Variants in MSH4 observed in about 807,000 individuals in gnomAD.
MSH4 encodes mutS protein homolog 4.
MSH4 carries 106 observed loss-of-function variants against 113.7 expected under a neutral mutation model. The observed-to-expected ratio is 0.93, with a 90% CI of 0.80 to 1.10. The LOEUF (loss-of-function observed/expected upper bound fraction) is 1.10, where lower values mean the gene tolerates loss of function less well. Ranked by LOEUF, MSH4 falls within the 50% of genes least tolerant of loss-of-function variation. MSH4 has a pLI of 0.00. For missense variants in MSH4, 1,061 were observed against 1,093.7 expected, an observed-to-expected ratio of 0.97 and a Z score of 0.42; for synonymous variants, 368 against 380.2, an observed-to-expected ratio of 0.97 and a Z score of 0.37.
At chr1:75,883,491 G>T in intron 14 of MSH4, 130 bp from the exon 15 acceptor site, 1 of 694,656 alleles carries the variant, frequency 1.4e-6, no homozygotes, top group Non-Finnish European at 2.3e-6. Context: ...GGATAATATA[G>T]TACCTTAATG....
chr1:75,885,075 A>ATAT (rs1652041140), intron 15 of MSH4, among the ~76,000 whole-genome samples: 1 of 139,914 alleles, frequency 7.1e-6, no homozygotes, highest in Non-Finnish European at 1.5e-5. Context: ...ATATATATAT[A>ATAT]CCAGCCAGGA....
At chr1:75,865,990 G>A (rs907282471) in intron 8 of MSH4, among the ~76,000 whole-genome samples, 7 of 152,030 alleles carry the variant, frequency 4.6e-5, no homozygotes, top group Admixed American at 2.0e-4. Flanking sequence ...GTCATAAATC[G>A]AGTGCCCATA....
At chr1:75,819,649 T>A (rs1570947122) in intron 6 of MSH4, among the ~76,000 whole-genome samples, 1 of 152,292 alleles carries the variant, frequency 6.6e-6, no homozygotes, top group East Asian at 1.9e-4. Flanking sequence ...TGAATCAGAT[T>A]TTTTACATGT....
intron 19 of MSH4, among the ~76,000 whole-genome samples, chr1:75,907,468 A>G (rs1486178253): frequency 1.3e-5 from 2 of 151,534 alleles, no homozygotes; most frequent in South Asian, 2.1e-4. Context: ...TTTGATTATT[A>G]TATCATTTGG....
In MSH4 at chr1:75,879,006, C is replaced by T. The variant is rs1651874537; in HGVS notation, c.1555C>T (p.Leu519Phe). Reference sequence around the variant, plus strand: ...CTGGTCACCAGGAATGATATCACAACTTGGAGAAAAATATAGTCTACCTTT... The same window carrying T: ...CTGGTCACCAGGAATGATATCACAATTTGGAGAAAAATATAGTCTACCTTT... ...VDDIAGMISQ[L>F]GEKYSLPLRT... The change falls in exon 12 of 20, where the codon CTT (leucine) becomes TTT (phenylalanine). Residue 519 changes from leucine to phenylalanine, a missense_variant. Coordinates refer to ENST00000263187, the MANE Select transcript of MSH4 (RefSeq NM_002440.4). 1.9e-6 allele frequency: 3 copies of T among 1,608,236 alleles called. No homozygotes were observed. The highest frequency in any genetic ancestry group is 4.5e-5 in the East Asian group (2 of 44,764).
rs1165898669 is a variant in MSH4, at chr1:75,797,177, C to A, written c.192C>A (p.Ser64Arg). 1.2e-6 allele frequency: 2 copies of A among 1,604,346 alleles called. No individual in the cohort carries two copies. The highest frequency in any genetic ancestry group is 1.7e-6 in the Non-Finnish European group (2 of 1,175,448). The part of the protein sequence containing the change: ...PGTSGAAGDR[S>R]SSSSSLPCPA... ...CGTCAGGAGCTGCGGGCGACCGGAG[C>A]AGCAGCAGCAGCAGCCTTCCCTGCC... is the stretch of plus-strand genomic sequence containing the variant. Residue 64 changes from serine (S) to arginine (R), a missense_variant, in exon 1 of 20, where the codon AGC becomes AGA. Transcript: ENST00000263187.
At chr1:75,885,047 G>GTATATATATATA (rs1223601707) in intron 15 of MSH4, among the ~76,000 whole-genome samples, 5 of 108,952 alleles carry the variant, frequency 4.6e-5, no homozygotes, top group African/African-American at 1.8e-4. Context: ...GTGTGTGTGT[G>GTATATATATATA]TGTGTGTGTG....
intron 8 of MSH4, among the ~76,000 whole-genome samples, chr1:75,850,241 C>T (rs1204856125): frequency 1.3e-5 from 2 of 152,058 alleles, no homozygotes; most frequent in Non-Finnish European, 1.5e-5. Flanking sequence ...AAGGAGGAAG[C>T]TGAGGTCATT....
chr1:75,905,661 T>TC (rs1652609922), intron 19 of MSH4, among the ~76,000 whole-genome samples: 5 of 152,164 alleles, frequency 3.3e-5, no homozygotes, highest in African/African-American at 9.7e-5. Flanking sequence ...AGACCCCTAC[T>TC]AGTATTGTAT....
rs1651042491 is a variant in MSH4 at position 75,844,849 on chromosome 1, A to T, written c.1163-3360A>T. On this transcript the variant is annotated intron_variant, in intron 7 of 19. Transcript: ENST00000263187. ...CCTGAGACTAGGTAATTTATAAAGA[A>T]CAGTGATTTATTTCTTACAGTTCTG... is the stretch of plus-strand genomic sequence containing the variant. Among the ~76,000 whole-genome samples, 2 of 152,226 alleles carry T rather than the reference A, an allele frequency of 1.3e-5. 1 individual carries two copies. The highest frequency in any genetic ancestry group is 4.1e-4 in the South Asian group (2 of 4,834).
intron 19 of MSH4, among the ~76,000 whole-genome samples, chr1:75,908,689 A>G (rs1271484285): frequency 2.0e-5 from 3 of 152,124 alleles, no homozygotes; most frequent in Non-Finnish European, 4.4e-5. Context: ...ATGAAGGATC[A>G]GTTTATCTTC....
chr1:75,878,162 C>A lies in MSH4; in HGVS notation c.1384C>A (p.Leu462Ile). 1 of 1,595,968 alleles carries A rather than the reference C, an allele frequency of 6.3e-7. No homozygotes were observed. Among genetic ancestry groups the A allele is most frequent in the Non-Finnish European group, 8.5e-7 (1 of 1,172,804 alleles). The change falls in exon 11 of 20, where the codon CTT (leucine) becomes ATT (isoleucine). Residue 462 changes from leucine (L) to isoleucine (I), a missense_variant. Leu to Ile is a conservative substitution (Grantham distance 5). Coordinates refer to ENST00000263187, the MANE Select transcript of MSH4 (RefSeq NM_002440.4). ...CCTTAATATTAGGTTTGGAATCATACTTGAAAAGATTAAAACAGTAATTAA... is the reference window on the plus strand; with the variant it reads ...CCTTAATATTAGGTTTGGAATCATAATTGAAAAGATTAAAACAGTAATTAA... Reference protein sequence around the residue: ...SLEDKRFGIILEKIKTVINDD... With the variant: ...SLEDKRFGIIIEKIKTVINDD...
Position 75,912,776 on chromosome 1 carries a change from A to G in MSH4, c.2700A>G (p.Arg900=), listed in dbSNP as rs754730687. The change falls in exon 20 of 20, where the codon CGA becomes CGG. Residue 900 remains arginine, a synonymous_variant. Coordinates refer to ENST00000263187, the MANE Select transcript of MSH4 (RefSeq NM_002440.4). ...CCACTAGGCTTGTTCAAACTGCTCG[A>G]AACTCTCAATTGGATCCAGACAGTT... is the stretch of plus-strand genomic sequence containing the variant. The part of the protein sequence containing the change: ...HLATRLVQTA[R]NSQLDPDSLR... The G allele has an allele frequency of 4.4e-6, 7 of 1,597,048 alleles. No homozygotes were observed. The African/African-American group carries it at 9.5e-5, about 22-fold the overall frequency.
At chr1:75,891,170 A>G (rs573641080) in intron 17 of MSH4, among the ~76,000 whole-genome samples, 1 of 152,194 alleles carries the variant, frequency 6.6e-6, no homozygotes, top group African/African-American at 2.4e-5. Context: ...GAAGGAAAGC[A>G]CTAGGCAACT....
chr1:75,849,031 A>C lies in MSH4; in HGVS notation c.1230+755A>C, dbSNP rs186700508. ...ACTGCAACCTCTGTCTCTCAGGTTC[A>C]AGTGATTCTCTTGCCTCAGCCTCCC... On this transcript the variant is annotated intron_variant, in intron 8 of 19. Transcript: ENST00000263187. 6.3e-4 allele frequency among the ~76,000 whole-genome samples: 96 copies of C among 152,170 alleles called. 1 individual carries two copies. Among genetic ancestry groups the C allele is most frequent in the African/African-American group, 2.1e-3 (89 of 41,520 alleles).
chr1:75,867,939 T>A (rs1176710094), intron 9 of MSH4, among the ~76,000 whole-genome samples: 1 of 152,122 alleles, frequency 6.6e-6, no homozygotes, highest in South Asian at 2.1e-4. Flanking sequence ...CTCAAATTTT[T>A]AAAATTGTTC....
intron 10 of MSH4, 99 bp from the exon 11 acceptor site, chr1:75,878,050 C>T (rs1570983111): frequency 1.4e-5 from 12 of 868,478 alleles, no homozygotes; most frequent in East Asian, 8.9e-5. Context: ...AAATAACTTT[C>T]AACAAAAATT....
chr1:75,832,930 G>C (rs934031647), intron 7 of MSH4, among the ~76,000 whole-genome samples: 2 of 152,124 alleles, frequency 1.3e-5, no homozygotes, highest in East Asian at 3.9e-4. Context: ...GGCAGTTCTG[G>C]TCAGGGCAAG....
intron 8 of MSH4, among the ~76,000 whole-genome samples, chr1:75,855,981 T>C (rs1244276550): frequency 1.3e-5 from 2 of 152,184 alleles, no homozygotes; most frequent in Non-Finnish European, 1.5e-5. Flanking sequence ...AATCACACAG[T>C]TTCATACAGT....
Sources: allele counts gnomAD v4.1 joint callset (sites outside exome capture counted in the v4.1 genomes callset), GRCh38; gene constraint gnomAD v4.1.1; transcripts MANE v1.5; gene names NCBI Gene and HGNC (gene_info 2026-07-23, HGNC 2026-07-21).